The following ERCC8 variants were observed in gnomAD, a reference collection of about 807,000 sequenced individuals.
ERCC8 encodes the protein DNA excision repair protein ERCC-8.
ERCC8 carries 52 observed loss-of-function variants against 54.9 expected under a neutral mutation model. The ratio of observed to expected loss-of-function variants is 0.95; its 90% CI spans 0.76 to 1.19. ERCC8 has a LOEUF of 1.19. ERCC8 is among the 50% of genes most tolerant of loss of function. ERCC8 has a pLI of 0.00. For missense variants in ERCC8, 514 were observed against 466.1 expected, an observed-to-expected ratio of 1.10 and a Z score of -0.95; for synonymous variants, 146 against 157.2, an observed-to-expected ratio of 0.93 and a Z score of 0.53.
intron 9 of ERCC8, among the ~76,000 whole-genome samples, chr5:60,893,984 C>CT (rs35254362): frequency 6.6e-4 from 72 of 109,858 alleles, no homozygotes; most frequent in East Asian, 4.2e-3. Context: ...GGGAATTTAT[C>CT]TTTTTTTTTT....
At position 60,894,854 on chromosome 5, in the gene ERCC8, G is replaced by A. The variant is rs567608321; in HGVS notation, c.843+3422C>T. 5.0e-4 allele frequency among the ~76,000 whole-genome samples: 76 copies of A among 152,048 alleles called. 2 individuals carry two copies. The highest frequency in any genetic ancestry group is 3.3e-3 in the Admixed American group (50 of 15,260). On this transcript the variant is annotated intron_variant, in intron 9 of 11. Coordinates refer to ENST00000676185, the MANE Select transcript of ERCC8 (RefSeq NM_000082.4). ...ATGCATATCAACAAAATCCACTGTC[G>A]TCAGGGCTAATATTGAAGTTTAAAT... is the stretch of plus-strand genomic sequence containing the variant.
rs1159891226 is a variant in ERCC8, at chr5:60,938,357, T to G, written c.77+6575A>C. Among the ~76,000 whole-genome samples, 12 of 143,770 alleles carry G rather than the reference T, an allele frequency of 8.3e-5. No individual in the cohort carries two copies. The East Asian group carries it at 1.6e-3, about 19-fold the overall frequency. The allele number at this position is 143,770 out of a possible 152,430, so 94.3% of individuals were successfully genotyped here. ...AGATAGCTACCTTTTTGAATTTTTT[T>G]TTTTTTTTTTTTTTTGAGACGGAGT... On this transcript the variant is annotated intron_variant, in intron 1 of 11. Transcript: ENST00000676185.
intron 9 of ERCC8, chr5:60,893,061 T>G (rs1579997006): frequency 2.6e-6 from 2 of 779,214 alleles, no homozygotes; most frequent in East Asian, 4.9e-5. Context: ...CACAACCTCC[T>G]TGGGGTCCAG....
At chr5:60,917,918 AG>A in intron 4 of ERCC8, 1 of 225,308 alleles carries the variant, frequency 4.4e-6, no homozygotes, top group South Asian at 7.1e-5. Flanking sequence ...TTTTTCACAA[AG>A]GGATAATAAT....
At chr5:60,887,142 C>T (rs1005631363) in intron 11 of ERCC8, among the ~76,000 whole-genome samples, 1 of 152,144 alleles carries the variant, frequency 6.6e-6, no homozygotes, top group African/African-American at 2.4e-5. Context: ...TTATGTTCTT[C>T]TTTTGATATT....
intron 4 of ERCC8, among the ~76,000 whole-genome samples, chr5:60,905,080 AAT>A (rs1749031581): frequency 6.6e-6 from 1 of 152,116 alleles, no homozygotes; most frequent in East Asian, 1.9e-4. Context: ...TATGAAAAAA[AAT>A]ATGTTTTCCC....
intron 4 of ERCC8, among the ~76,000 whole-genome samples, chr5:60,909,233 G>A (rs561769293): frequency 1.8e-3 from 47 of 26,528 alleles, no homozygotes; most frequent in Admixed American, 0.012. Flanking sequence ...AGACAAAAAT[G>A]CCCTATTCTG....
intron 4 of ERCC8, 68 bp downstream of exon 4, chr5:60,918,197 T>C: frequency 3.2e-6 from 4 of 1,244,896 alleles, no homozygotes; most frequent in Middle Eastern, 2.2e-4. Flanking sequence ...ATAATCATAC[T>C]AAAATGGTTT....
chr5:60,926,684 G>C (rs1165046123), intron 2 of ERCC8, among the ~76,000 whole-genome samples: 1 of 152,126 alleles, frequency 6.6e-6, no homozygotes, highest in African/African-American at 2.4e-5. Context: ...CTTTTATTTA[G>C]ATTGATAAAA....
chr5:60,943,466 T>C (rs1359990221), intron 1 of ERCC8, among the ~76,000 whole-genome samples: 2 of 152,166 alleles, frequency 1.3e-5, no homozygotes, highest in South Asian at 4.1e-4. Flanking sequence ...TTGACCAATT[T>C]GCAATTTTAC....
chr5:60,920,997 G>A (rs4647080), intron 3 of ERCC8, among the ~76,000 whole-genome samples: 2,005 of 151,936 alleles, frequency 0.013, 48 homozygotes, highest in African/African-American at 0.046. Context: ...TAGAGTATTT[G>A]AGGCGATATC....
intron 4 of ERCC8, chr5:60,917,967 G>T: frequency 2.7e-6 from 1 of 372,110 alleles, no homozygotes. Flanking sequence ...TATATGCTAT[G>T]TACTGTACTA....
chr5:60,889,933 G>T (rs924011627), intron 10 of ERCC8, among the ~76,000 whole-genome samples: 1 of 152,106 alleles, frequency 6.6e-6, no homozygotes, highest in Admixed American at 6.6e-5. Context: ...GTAGGGTCTT[G>T]TAGGTCCCCT....
chr5:60,890,839 G>A, intron 10 of ERCC8, 50 bp downstream of exon 10: 2 of 1,316,460 alleles, frequency 1.5e-6, no homozygotes, highest in South Asian at 1.2e-5. Context: ...CATATAACTG[G>A]TCTGGCAAGC....
At chr5:60,888,627 G>A (rs1748464054) in intron 10 of ERCC8, among the ~76,000 whole-genome samples, 1 of 152,170 alleles carries the variant, frequency 6.6e-6, no homozygotes, top group Non-Finnish European at 1.5e-5. Context: ...TTTACATTAA[G>A]CCTTGAAGTA....
intron 9 of ERCC8, among the ~76,000 whole-genome samples, chr5:60,895,096 G>A (rs1352782818): frequency 1.2e-4 from 18 of 151,602 alleles, no homozygotes; most frequent in Non-Finnish European, 4.4e-5. Context: ...CTTGAACCTG[G>A]GAGGTGGAGG....
intron 4 of ERCC8, among the ~76,000 whole-genome samples, chr5:60,906,686 G>A (rs1749082435): frequency 6.6e-6 from 1 of 151,826 alleles, no homozygotes; most frequent in Non-Finnish European, 1.5e-5. Flanking sequence ...CTAAGATCAC[G>A]CCACTACACT....
At chr5:60,893,672 G>C (rs950314683) in intron 9 of ERCC8, 13 of 509,918 alleles carry the variant, frequency 2.5e-5, no homozygotes, top group African/African-American at 2.5e-4. Context: ...AGACGCTCTT[G>C]TGCTGCTAGG....
rs368069191 is a variant in ERCC8 at position 60,945,047 on chromosome 5, A to G, written c.-39T>C. 2.6e-5 allele frequency: 40 copies of G among 1,567,232 alleles called. No homozygotes were observed. Among genetic ancestry groups the G allele is most frequent in the Non-Finnish European group, 3.5e-5 (40 of 1,137,286 alleles). The stretch of plus-strand genomic sequence containing the variant: ...ACCGGCTGGAGCACTGGACGTCGCC[A>G]TGACAGAGCTCAGGGGCGGGACTGG... On this transcript the variant is annotated 5_prime_UTR_variant, in exon 1 of 12. An upstream start codon of the reference 5' UTR is lost. Transcript: ENST00000676185.
Sources: allele counts gnomAD v4.1 joint callset (sites outside exome capture counted in the v4.1 genomes callset), GRCh38; gene constraint gnomAD v4.1.1; transcripts MANE v1.5; gene names NCBI Gene and HGNC (gene_info 2026-07-23, HGNC 2026-07-21).